The following C12orf42 variants were observed in gnomAD, a reference collection of about 807,000 sequenced individuals.
The protein encoded by C12orf42 is uncharacterized protein C12orf42.
Under a neutral mutation model 21.6 loss-of-function variants are expected in C12orf42, and 25 were observed. The observed-to-expected ratio is 1.16, with a 90% CI of 0.84 to 1.62. The LOEUF is 1.62. Ranked by LOEUF, C12orf42 falls within the 40% of genes most tolerant of loss-of-function variation. The pLI is 0.00. For missense variants in C12orf42, 483 were observed against 459.3 expected, an observed-to-expected ratio of 1.05 and a Z score of -0.47; for synonymous variants, 174 against 175.0, an observed-to-expected ratio of 0.99 and a Z score of 0.05.
At chr12:103,452,004 T>G (rs957248742) in intron 2 of C12orf42, among the ~76,000 whole-genome samples, 2 of 152,078 alleles carry the variant, frequency 1.3e-5, no homozygotes, top group African/African-American at 4.8e-5. Context: ...ACAATAAGCC[T>G]TTATTATTGC....
chr12:103,487,705 T>C (rs543408918), intron 1 of C12orf42, among the ~76,000 whole-genome samples: 34 of 152,340 alleles, frequency 2.2e-4, no homozygotes, highest in African/African-American at 7.7e-4. Flanking sequence ...TTTACCATTA[T>C]ATAATGGCCT....
At chr12:103,257,834 G>T (rs1423826199) in intron 10 of C12orf42, among the ~76,000 whole-genome samples, 1 of 151,828 alleles carries the variant, frequency 6.6e-6, no homozygotes, top group East Asian at 1.9e-4. Context: ...TTTAAAAAAA[G>T]ATTTAAAGCA....
the C12orf42 span, among the ~76,000 whole-genome samples, chr12:103,107,804 T>C: frequency 6.6e-6 from 1 of 151,302 alleles, no homozygotes. Context: ...GCTTTTCTAT[T>C]GAAAAGACTA....
At chr12:103,073,095 G>C in the C12orf42 span, among the ~76,000 whole-genome samples, 8 of 152,128 alleles carry the variant, frequency 5.3e-5, no homozygotes, top group Non-Finnish European at 1.0e-4. Flanking sequence ...ACCAAACACT[G>C]TATGTTCTCA....
intron 4 of C12orf42, among the ~76,000 whole-genome samples, chr12:103,365,696 A>G (rs920908671): frequency 6.6e-6 from 1 of 152,060 alleles, no homozygotes; most frequent in Non-Finnish European, 1.5e-5. Flanking sequence ...CCAAGCTAAG[A>G]ATCAAATAAA....
the C12orf42 span, chr12:103,505,467 G>A: frequency 5.3e-6 from 2 of 379,164 alleles, no homozygotes; most frequent in Non-Finnish European, 9.9e-6. Flanking sequence ...ACACGTCTGG[G>A]TGCTCTGAGT....
At chr12:103,096,617 A>G in the C12orf42 span, among the ~76,000 whole-genome samples, 1 of 152,240 alleles carries the variant, frequency 6.6e-6, no homozygotes, top group African/African-American at 2.4e-5. Context: ...TGGCAATTCC[A>G]TAAAGATTTT....
chr12:103,421,230 G>A (rs1196917640), intron 2 of C12orf42, among the ~76,000 whole-genome samples: 1 of 152,126 alleles, frequency 6.6e-6, no homozygotes, highest in Non-Finnish European at 1.5e-5. Context: ...ATGTAGAAGA[G>A]AGGAAAGGAG....
the C12orf42 span, among the ~76,000 whole-genome samples, chr12:103,201,991 T>G: frequency 6.6e-6 from 1 of 152,172 alleles, no homozygotes; most frequent in African/African-American, 2.4e-5. Flanking sequence ...TATTTAAGAA[T>G]GTATTCTAAT....
In C12orf42 at chr12:103,249,353, A is replaced by G. The variant is rs769190983; in HGVS notation, c.*1367-11451T>C. On this transcript the variant is annotated intron_variant and NMD_transcript_variant, in intron 10 of 10. Transcript: ENST00000547347. ...GTAATTATTAATTTTTATACATATG[A>G]ATAACAGAAAATAAATAAAGCTGAC... Among the ~76,000 whole-genome samples the G allele has an allele frequency of 5.6e-4, 85 of 152,222 alleles. 2 individuals carry two copies. The highest frequency in any genetic ancestry group is 1.2e-3 in the South Asian group (6 of 4,818).
chr12:103,247,858 C>T (rs1359342432), intron 10 of C12orf42, among the ~76,000 whole-genome samples: 3 of 152,006 alleles, frequency 2.0e-5, no homozygotes, highest in Non-Finnish European at 2.9e-5. Context: ...TAGCTAATAG[C>T]TATTAAATGC....
At chr12:103,365,875 C>T (rs1369582740) in intron 4 of C12orf42, among the ~76,000 whole-genome samples, 1 of 152,062 alleles carries the variant, frequency 6.6e-6, no homozygotes, top group Non-Finnish European at 1.5e-5. Context: ...TGGGCAGAAT[C>T]AATGCTGTGA....
the C12orf42 span, among the ~76,000 whole-genome samples, chr12:103,167,535 A>G: frequency 2.0e-5 from 3 of 151,940 alleles, no homozygotes; most frequent in Admixed American, 1.3e-4. Context: ...AGCTCCCTCA[A>G]CCTGGAGCCC....
the C12orf42 span, among the ~76,000 whole-genome samples, chr12:103,175,773 T>C: frequency 6.6e-6 from 1 of 152,206 alleles, no homozygotes; most frequent in Non-Finnish European, 1.5e-5. Context: ...CTGGAATATT[T>C]TCTTAATGCT....
At chr12:103,087,874 A>T in the C12orf42 span, among the ~76,000 whole-genome samples, 56 of 152,368 alleles carry the variant, frequency 3.7e-4, no homozygotes, top group African/African-American at 1.3e-3. Flanking sequence ...TAAACACTGT[A>T]GGTAATGTTA....
the C12orf42 span, among the ~76,000 whole-genome samples, chr12:103,158,290 T>C: frequency 6.6e-6 from 1 of 152,294 alleles, no homozygotes; most frequent in African/African-American, 2.4e-5. Context: ...CCCAAACCTG[T>C]TCTTCTGGCA....
At chr12:103,327,210 A>G (rs1419936026) in intron 4 of C12orf42, among the ~76,000 whole-genome samples, 9 of 152,064 alleles carry the variant, frequency 5.9e-5, no homozygotes, top group Admixed American at 3.9e-4. Context: ...CTCCCTAAAG[A>G]AGTGGTTTTC....
intron 4 of C12orf42, among the ~76,000 whole-genome samples, chr12:103,306,961 T>C (rs1008532553): frequency 2.0e-5 from 3 of 152,004 alleles, no homozygotes; most frequent in Admixed American, 1.3e-4. Context: ...ATATTGGAGA[T>C]AGCCTGCTGC....
At chr12:103,506,462 A>G in the C12orf42 span, among the ~76,000 whole-genome samples, 2 of 151,992 alleles carry the variant, frequency 1.3e-5, no homozygotes, top group East Asian at 3.9e-4. Flanking sequence ...CTGTAAGATT[A>G]TAATATCTTA....
Sources: allele counts gnomAD v4.1 joint callset (sites outside exome capture counted in the v4.1 genomes callset), GRCh38; gene constraint gnomAD v4.1.1; transcripts MANE v1.5; gene names NCBI Gene and HGNC (gene_info 2026-07-23, HGNC 2026-07-21).